Variants in ASB2 observed in about 807,000 individuals in gnomAD.
ASB2 encodes ankyrin repeat and SOCS box containing 2, also known as ankyrin repeat and SOCS box protein 2.
ASB2 carries 58 observed loss-of-function variants against 62.4 expected under a neutral mutation model. The observed-to-expected ratio is 0.93, with a 90% CI of 0.75 to 1.16. The LOEUF is 1.16. Among genes scored for constraint, ASB2 ranks in the 50% most tolerant of loss-of-function variants. The pLI, the probability that ASB2 is intolerant of heterozygous loss-of-function variation, is 0.00. For missense variants in ASB2, 928 were observed against 887.9 expected (o/e 1.05, Z -0.57); for synonymous variants, 386 against 385.3 (o/e 1.00, Z -0.02).
rs778641114 is a variant in ASB2 at position 93,954,327 on chromosome 14, G to T, written c.468C>A (p.Val156=). 8 of 1,613,198 alleles carry T rather than the reference G, an allele frequency of 5.0e-6. No individual in the cohort carries two copies. In the South Asian group the frequency reaches 8.8e-5, roughly 18 times the overall value. ...AYYGQVGCLK[V]LQRAYPGTID... is the part of the protein sequence containing the mutation. ...GAGCCCAGCCCTCACCTCGCTGCAG[G>T]ACTTTCAGGCAGCCCACCTGGCCAT... The change falls in exon 4 of 10, where the codon GTC becomes GTA. Residue 156 remains valine, a synonymous_variant. Coordinates refer to ENST00000555019, the MANE Select transcript of ASB2 (RefSeq NM_001202429.2).
chr14:93,962,184 G>C (rs1162828925), intron 2 of ASB2, among the ~76,000 whole-genome samples: 6 of 95,304 alleles, frequency 6.3e-5, no homozygotes, highest in Non-Finnish European at 1.2e-4. Flanking sequence ...GCGGGATCTC[G>C]GCTCACTGCA....
rs1567019036 is a variant in ASB2, at chr14:93,939,165, C to G, written c.1560G>C (p.Gln520His). 6.3e-7 allele frequency: 1 copy of G among 1,590,786 alleles called. No homozygotes were observed. The highest frequency in any genetic ancestry group is 8.6e-7 in the Non-Finnish European group (1 of 1,164,804). Reference protein sequence around the residue: ...YGNGPHPPAPQPSSRFNDAPA... With the variant: ...YGNGPHPPAPHPSSRFNDAPA... ...GCGCGTCGTTGAACCTGCTGGAGGGCTGCGGGGCCGGCGGGTGCGGGCCGT... is the reference window on the plus strand; with the variant it reads ...GCGCGTCGTTGAACCTGCTGGAGGGGTGCGGGGCCGGCGGGTGCGGGCCGT... Residue 520 changes from glutamine (Q) to histidine (H), a missense_variant, in exon 8 of 10, where the codon CAG becomes CAC. Gln to His is a conservative substitution (Grantham distance 24). Coordinates refer to ENST00000555019, the MANE Select transcript of ASB2 (RefSeq NM_001202429.2).
intron 7 of ASB2, chr14:93,940,245 A>T (rs1260713170): frequency 6.5e-6 from 1 of 153,108 alleles, no homozygotes; most frequent in East Asian, 1.9e-4. Flanking sequence ...ACCGTGTGCC[A>T]GGAGGCTCCT....
At chr14:93,956,625 C>T (rs2141301282) in intron 3 of ASB2, 141 bp downstream of exon 3, 8 of 1,152,388 alleles carry the variant, frequency 6.9e-6, no homozygotes, top group Non-Finnish European at 1.0e-5. Flanking sequence ...GGGGGGCACC[C>T]CTAGAAGGAG....
chr14:93,953,057 C>A (rs1370763907), intron 5 of ASB2, among the ~76,000 whole-genome samples: 1 of 152,224 alleles, frequency 6.6e-6, no homozygotes, highest in Non-Finnish European at 1.5e-5. Flanking sequence ...ATGCCTCCTG[C>A]CAAGCCCTTT....
In ASB2 at chr14:93,939,378, G is replaced by A; in HGVS notation, c.1347C>T (p.Ile449=). The change falls in exon 8 of 10, where the codon ATC becomes ATT. Residue 449 remains isoleucine (I), a synonymous_variant. Coordinates refer to ENST00000555019, the MANE Select transcript of ASB2 (RefSeq NM_001202429.2). ...RDVISPLLVA[I]RHGCLRTMQL... is the part of the protein sequence containing the mutation. Reference sequence around the variant, plus strand: ...GCATTGTGCGCAGGCAGCCGTGGCGGATGGCCACGAGCAAGGGGCTGATGA... The same window carrying A: ...GCATTGTGCGCAGGCAGCCGTGGCGAATGGCCACGAGCAAGGGGCTGATGA... The A allele has an allele frequency of 6.2e-7, 1 of 1,612,876 alleles. No individual in the cohort carries two copies. The highest frequency in any genetic ancestry group is 8.5e-7 in the Non-Finnish European group (1 of 1,179,824).
At chr14:93,954,546 C>CT in intron 3 of ASB2, 63 bp from the exon 4 acceptor site, 1 of 1,494,792 alleles carries the variant, frequency 6.7e-7, no homozygotes. Context: ...GGGGGCCTCT[C>CT]TCTCAGGAGT....
At chr14:93,958,247 T>A (rs1372728273) in intron 2 of ASB2, among the ~76,000 whole-genome samples, 1 of 152,232 alleles carries the variant, frequency 6.6e-6, no homozygotes, top group African/African-American at 2.4e-5. Flanking sequence ...ACCGCCTGCA[T>A]GTGTCCTCAT....
chr14:93,971,132 G>T (rs1354435786), intron 1 of ASB2, among the ~76,000 whole-genome samples: 2 of 152,218 alleles, frequency 1.3e-5, no homozygotes, highest in East Asian at 3.8e-4. Flanking sequence ...AAGATTGAGA[G>T]TGAAAGTGAA....
At chr14:93,935,172 A>T (rs1010141262) in intron 9 of ASB2, among the ~76,000 whole-genome samples, 5 of 152,164 alleles carry the variant, frequency 3.3e-5, no homozygotes, top group African/African-American at 4.8e-5. Flanking sequence ...AGCCTTAGCA[A>T]TGGGGTCAGA....
At chr14:93,972,303 CAGGGTGGTCCT>C (rs1889779721) in intron 1 of ASB2, among the ~76,000 whole-genome samples, 1 of 151,960 alleles carries the variant, frequency 6.6e-6, no homozygotes, top group East Asian at 1.9e-4. Context: ...CCCCAGGATC[CAGGGTGGTCCT>C]AGGAAACCCA....
intron 7 of ASB2, among the ~76,000 whole-genome samples, chr14:93,947,060 T>G (rs544065303): frequency 1.3e-5 from 2 of 152,232 alleles, no homozygotes; most frequent in African/African-American, 2.4e-5. Flanking sequence ...TCCACCTCAG[T>G]GAGCTGTTAA....
chr14:93,956,637 G>A lies in ASB2; in HGVS notation c.311+129C>T, dbSNP rs550613723. 8.8e-5 allele frequency: 111 copies of A among 1,259,030 alleles called. 1 individual carries two copies. Among genetic ancestry groups the A allele is most frequent in the Middle Eastern group, 7.9e-4 (3 of 3,782 alleles). 78.0% of individuals were successfully genotyped at this position (1,259,030 alleles called of 1,614,324 possible). ...CCAGGGGGGCACCCCTAGAAGGAGC[G>A]TGCCTGGCAGGTGCCTCCATAGTGC... On this transcript the variant is annotated intron_variant, in intron 3 of 9. Coordinates refer to ENST00000555019, the MANE Select transcript of ASB2 (RefSeq NM_001202429.2).
chr14:93,960,950 G>GATAAATAAATAAATAAATAAATAA (rs3063040), intron 2 of ASB2, among the ~76,000 whole-genome samples: 1 of 144,724 alleles, frequency 6.9e-6, no homozygotes, highest in Non-Finnish European at 1.5e-5. Flanking sequence ...GGGCACTGGA[G>GATAAATAAATAAATAAATAAATAA]ATAAATAAAT....
chr14:93,975,508 G>T (rs764836944), intron 1 of ASB2, among the ~76,000 whole-genome samples: 8 of 152,166 alleles, frequency 5.3e-5, no homozygotes, highest in Admixed American at 2.0e-4. Context: ...TAGGTGCCTG[G>T]CTGTGTCCCT....
rs1292421185 is a variant in ASB2 at position 93,976,427 on chromosome 14, G to A, written c.-74+7C>T. The A allele has an allele frequency of 6.6e-6, 1 of 152,232 alleles. No individual in the cohort carries two copies. The highest frequency in any genetic ancestry group is 2.4e-5 in the African/African-American group (1 of 41,456). The allele number at this position is 152,232 out of a possible 1,614,324, so 9.4% of individuals were successfully genotyped here. On this transcript the variant is annotated splice_region_variant and intron_variant, in intron 1 of 9. Coordinates refer to ENST00000555019, the MANE Select transcript of ASB2 (RefSeq NM_001202429.2). ...ATCTGTATAAGAAAGTTGAAAGCAT[G>A]CATTACCTGTTAGGCTCTGAAACAA... is the stretch of plus-strand genomic sequence containing the variant.
At chr14:93,943,073 C>T (rs971258256) in intron 7 of ASB2, among the ~76,000 whole-genome samples, 4 of 152,206 alleles carry the variant, frequency 2.6e-5, no homozygotes, top group Non-Finnish European at 5.9e-5. Flanking sequence ...ATCTCATTTA[C>T]TCATTTACTC....
rs1311159204 is a variant in ASB2 at position 93,939,169 on chromosome 14, G to A, written c.1556C>T (p.Pro519Leu). 1 of 1,570,078 alleles carries A rather than the reference G, an allele frequency of 6.4e-7. No individual in the cohort carries two copies. Among genetic ancestry groups the A allele is most frequent in the Non-Finnish European group, 8.7e-7 (1 of 1,150,982 alleles). Residue 519 changes from proline to leucine, a missense_variant, in exon 8 of 10, where the codon CCG becomes CTG. Physicochemically the swap from Pro to Leu is moderately conservative, Grantham distance 98. Transcript: ENST00000555019. ...LYGNGPHPPA[P>L]QPSSRFNDAP... ...GTCGTTGAACCTGCTGGAGGGCTGCGGGGCCGGCGGGTGCGGGCCGTTGCC... is the reference window on the plus strand; with the variant it reads ...GTCGTTGAACCTGCTGGAGGGCTGCAGGGCCGGCGGGTGCGGGCCGTTGCC...
intron 9 of ASB2, among the ~76,000 whole-genome samples, chr14:93,935,778 A>ACTGCCCTCTGAG (rs3838360): frequency 0.28 from 42,027 of 151,926 alleles, 6,624 homozygotes; most frequent in East Asian, 0.6. Flanking sequence ...TGACACTTCC[A>ACTGCCCTCTGAG]CTGCCCTCTG....
Sources: allele counts gnomAD v4.1 joint callset (sites outside exome capture counted in the v4.1 genomes callset), GRCh38; gene constraint gnomAD v4.1.1; transcripts MANE v1.5; gene names NCBI Gene and HGNC (gene_info 2026-07-23, HGNC 2026-07-21).